ARHGAP10: variants seen among roughly 807,000 people sequenced by gnomAD.
ARHGAP10 encodes Rho GTPase activating protein 10.
A neutral mutation model predicts 108.6 loss-of-function variants in ARHGAP10; 87 were observed. The observed-to-expected ratio is 0.80, with a 90% confidence interval of 0.67 to 0.96. The LOEUF (loss-of-function observed/expected upper bound fraction) is 0.96. Ranked by LOEUF, ARHGAP10 falls within the 40% of genes least tolerant of loss-of-function variation. The pLI is 0.00. For synonymous variants in ARHGAP10, 347 were observed against 341.1 expected, an observed-to-expected ratio of 1.02 and a Z score of -0.19; for missense variants, 939 against 954.5, an observed-to-expected ratio of 0.98 and a Z score of 0.21.
intron 1 of ARHGAP10, among the ~76,000 whole-genome samples, chr4:147,748,213 G>T (rs1223750821): frequency 2.0e-5 from 3 of 152,190 alleles, no homozygotes; most frequent in African/African-American, 7.2e-5. Context: ...TCTACATAAA[G>T]GCCTTATCAG....
chr4:147,814,879 G>A (rs1434408295), intron 1 of ARHGAP10, among the ~76,000 whole-genome samples: 1 of 152,054 alleles, frequency 6.6e-6, no homozygotes, highest in Admixed American at 6.6e-5. Flanking sequence ...ACATTCTCAG[G>A]TTCTGGGGGT....
At chr4:148,036,361 G>C (rs1325540447) in intron 19 of ARHGAP10, among the ~76,000 whole-genome samples, 1 of 152,040 alleles carries the variant, frequency 6.6e-6, no homozygotes, top group Non-Finnish European at 1.5e-5. Context: ...GTGTGTCCCC[G>C]CCCAGATCTC....
chr4:147,756,988 G>A (rs894327829), intron 1 of ARHGAP10, among the ~76,000 whole-genome samples: 9 of 151,860 alleles, frequency 5.9e-5, no homozygotes, highest in African/African-American at 2.2e-4. Flanking sequence ...GTTGGTCTAG[G>A]CTGGTGGCAG....
chr4:147,746,139 C>G (rs1019445540), intron 1 of ARHGAP10, among the ~76,000 whole-genome samples: 1 of 151,006 alleles, frequency 6.6e-6, no homozygotes, highest in East Asian at 2.0e-4. Flanking sequence ...GAGTCTCACT[C>G]TGTCGCCAGG....
chr4:147,804,401 G>C (rs945043586), intron 1 of ARHGAP10, among the ~76,000 whole-genome samples: 8 of 152,116 alleles, frequency 5.3e-5, no homozygotes, highest in African/African-American at 1.7e-4. Context: ...CCAGTCTACT[G>C]TTGGTGGACA....
chr4:148,017,652 C>CTATATATATATATATATATATA (rs35472561), intron 18 of ARHGAP10, among the ~76,000 whole-genome samples: 40 of 105,304 alleles, frequency 3.8e-4, no homozygotes, highest in African/African-American at 1.3e-3. Context: ...GAGCCAGTAA[C>CTATATATATATATATATATATA]TATATATATA....
intron 7 of ARHGAP10, among the ~76,000 whole-genome samples, chr4:147,871,443 A>G (rs1455655581): frequency 6.6e-6 from 1 of 152,150 alleles, no homozygotes; most frequent in Non-Finnish European, 1.5e-5. Flanking sequence ...ATCAGAAAAA[A>G]GTTTTTTAAA....
chr4:148,040,208 A>G (rs1185153448), intron 19 of ARHGAP10, among the ~76,000 whole-genome samples: 4 of 152,170 alleles, frequency 2.6e-5, no homozygotes, highest in African/African-American at 9.7e-5. Context: ...GAACTTGGTT[A>G]TAGGTTCTTG....
chr4:147,756,486 A>T (rs1729376826), intron 1 of ARHGAP10, among the ~76,000 whole-genome samples: 1 of 152,188 alleles, frequency 6.6e-6, no homozygotes, highest in African/African-American at 2.4e-5. Context: ...AGTCCCCCTT[A>T]TCCGTGGTTT....
Position 147,955,368 on chromosome 4 carries a change from C to A in ARHGAP10, c.1444C>A (p.Pro482Thr). The change falls in exon 16 of 23, where the codon CCA (proline) becomes ACA (threonine). Residue 482 changes from proline (P) to threonine (T), a missense_variant. Physicochemically the swap from Pro to Thr is conservative, Grantham distance 38. Transcript: ENST00000336498. ...TGAGTTACATGGAGATTTCATTGTTCCAGCCAGTAAGTATTATGTAAAGGT... is the reference window on the plus strand; with the variant it reads ...TGAGTTACATGGAGATTTCATTGTTACAGCCAGTAAGTATTATGTAAAGGT... ...TYELHGDFIV[P>T]AKSGSPESRV... 6.2e-7 allele frequency: 1 copy of A among 1,610,540 alleles called. No homozygotes were observed. The highest frequency in any genetic ancestry group is 1.1e-5 in the South Asian group (1 of 90,804).
At chr4:147,787,975 T>TA (rs1411573935) in intron 1 of ARHGAP10, among the ~76,000 whole-genome samples, 1 of 152,150 alleles carries the variant, frequency 6.6e-6, no homozygotes, top group African/African-American at 2.4e-5. Context: ...GCTAAGAATT[T>TA]AAAACCCAAA....
Position 148,046,997 on chromosome 4 carries a change from A to G in ARHGAP10, c.1973A>G (p.Asp658Gly). The change falls in exon 20 of 23, where the codon GAC (aspartate) becomes GGC (glycine). Residue 658 changes from aspartate (D) to glycine (G), a missense_variant. Transcript: ENST00000336498. ...TTAVPGPPGP[D>G]KNHLLADGGS... Reference sequence around the variant, plus strand: ...GCTGTCCCTGGGCCTCCTGGACCAGACAAAAACCACCTTCTGGCAGATGGA... The same window carrying G: ...GCTGTCCCTGGGCCTCCTGGACCAGGCAAAAACCACCTTCTGGCAGATGGA... 6.2e-7 allele frequency: 1 copy of G among 1,614,138 alleles called. No homozygotes were observed. The highest frequency in any genetic ancestry group is 8.5e-7 in the Non-Finnish European group (1 of 1,180,004).
chr4:147,903,798 T>C (rs1736345238), intron 10 of ARHGAP10, among the ~76,000 whole-genome samples: 1 of 152,196 alleles, frequency 6.6e-6, no homozygotes, highest in African/African-American at 2.4e-5. Context: ...CATTTCTTTT[T>C]AGCACCGAAT....
intron 1 of ARHGAP10, among the ~76,000 whole-genome samples, chr4:147,762,863 G>A (rs940729225): frequency 2.6e-5 from 4 of 152,046 alleles, no homozygotes; most frequent in Non-Finnish European, 5.9e-5. Context: ...TAAGTGGACT[G>A]TGATGGGGAG....
At chr4:147,825,481 A>G (rs1309068683) in intron 3 of ARHGAP10, among the ~76,000 whole-genome samples, 8 of 152,102 alleles carry the variant, frequency 5.3e-5, no homozygotes, top group Non-Finnish European at 1.0e-4. Flanking sequence ...TATGTCCTCA[A>G]AAGCCCTAAT....
chr4:148,062,258 C>T (rs559331836), intron 20 of ARHGAP10, among the ~76,000 whole-genome samples: 38 of 152,246 alleles, frequency 2.5e-4, no homozygotes, highest in Admixed American at 2.2e-3. Flanking sequence ...GCTAGTTCTC[C>T]GGCAGGGGAA....
intron 1 of ARHGAP10, among the ~76,000 whole-genome samples, chr4:147,789,872 G>A (rs140216761): frequency 5.3e-5 from 8 of 152,238 alleles, no homozygotes; most frequent in African/African-American, 1.9e-4. Context: ...TGCAGATGAT[G>A]TGTGGGAGTC....
At chr4:147,882,394 C>T (rs531948528) in intron 10 of ARHGAP10, among the ~76,000 whole-genome samples, 12 of 150,880 alleles carry the variant, frequency 8.0e-5, no homozygotes, top group South Asian at 2.1e-4. Flanking sequence ...ACCCAGGAGG[C>T]GGAGGCTGCA....
At chr4:147,984,821 ACT>A (rs1430747540) in intron 18 of ARHGAP10, among the ~76,000 whole-genome samples, 2 of 151,906 alleles carry the variant, frequency 1.3e-5, no homozygotes, top group East Asian at 3.9e-4. Flanking sequence ...TACTGGGGAA[ACT>A]CTCTGTTGCC....
Sources: allele counts gnomAD v4.1 joint callset (sites outside exome capture counted in the v4.1 genomes callset), GRCh38; gene constraint gnomAD v4.1.1; transcripts MANE v1.5; gene names NCBI Gene and HGNC (gene_info 2026-07-23, HGNC 2026-07-21).